The following DENND2B variants were observed in gnomAD, a reference collection of about 807,000 sequenced individuals.
DENND2B encodes the protein DENN domain-containing protein 2B.
DENND2B carries 32 observed loss-of-function variants against 116.0 expected under a neutral mutation model. The observed-to-expected ratio is 0.28, with a 90% confidence interval of 0.21 to 0.37. The LOEUF is 0.37. DENND2B is among the 10% of genes least tolerant of loss of function. The probability of loss-of-function intolerance (pLI) is 1.00; values close to 1 mark genes in which losing one functional copy is unlikely to be tolerated. For missense variants in DENND2B, 1,276 were observed against 1,477.7 expected (o/e 0.86, Z 2.24); for synonymous variants, 588 against 583.9 (o/e 1.01, Z -0.10).
chr11:8,719,923 A>T lies in DENND2B; in HGVS notation c.1478-2031T>A, dbSNP rs189899994. 5.3e-5 allele frequency among the ~76,000 whole-genome samples: 8 copies of T among 152,318 alleles called. No individual in the cohort carries two copies. The East Asian group carries it at 1.3e-3, about 26-fold the overall frequency. On this transcript the variant is annotated intron_variant, in intron 4 of 19. Coordinates refer to ENST00000313726, the MANE Select transcript of DENND2B (RefSeq NM_213618.2). ...TTGTCCCAATCCCAGGGGTTTCTCC[A>T]AGCCACTGACATTTGGGGTTGAATA... is the stretch of plus-strand genomic sequence containing the variant.
intron 14 of DENND2B, among the ~76,000 whole-genome samples, chr11:8,700,402 C>G (rs1225892429): frequency 6.6e-6 from 1 of 152,202 alleles, no homozygotes; most frequent in African/African-American, 2.4e-5. Flanking sequence ...CTTTCTAAAC[C>G]CTGGTGCTCT....
At chr11:8,876,345 A>G (rs953367899), upstream of DENND2B, among the ~76,000 whole-genome samples, 1 of 152,216 alleles carries the variant, frequency 6.6e-6, no homozygotes, top group Non-Finnish European at 1.5e-5. Context: ...CTTAAAATAT[A>G]TAAGGAATAA....
intron 1 of DENND2B, among the ~76,000 whole-genome samples, chr11:8,884,051 C>T (rs1305367965): frequency 6.6e-6 from 1 of 152,188 alleles, no homozygotes; most frequent in Non-Finnish European, 1.5e-5. Context: ...AGATTTTCCT[C>T]TATAGAGATA....
chr11:8,878,028 G>A (rs1268982134), intron 2 of DENND2B, among the ~76,000 whole-genome samples: 1 of 152,200 alleles, frequency 6.6e-6, no homozygotes, highest in African/African-American at 2.4e-5. Flanking sequence ...GAGAAAGAGG[G>A]TTGGAACTGA....
At chr11:8,824,403 C>T (rs924786918) in intron 4 of DENND2B, among the ~76,000 whole-genome samples, 1 of 152,118 alleles carries the variant, frequency 6.6e-6, no homozygotes, top group Non-Finnish European at 1.5e-5. Context: ...TCTATGTGTC[C>T]ATGTGTACTC....
intron 3 of DENND2B, among the ~76,000 whole-genome samples, chr11:8,839,573 C>T (rs1371430205): frequency 6.6e-6 from 1 of 152,200 alleles, no homozygotes; most frequent in Non-Finnish European, 1.5e-5. Context: ...CTTTCCCTCA[C>T]TTCTGAGGTG....
intron 1 of DENND2B, among the ~76,000 whole-genome samples, chr11:8,786,363 A>G (rs1481064470): frequency 1.3e-5 from 2 of 152,248 alleles, no homozygotes; most frequent in Non-Finnish European, 2.9e-5. Context: ...TGGTTTAAAA[A>G]AAGTAAAAAT....
chr11:8,837,708 G>A (rs921238097), intron 4 of DENND2B, among the ~76,000 whole-genome samples: 41 of 152,064 alleles, frequency 2.7e-4, no homozygotes, highest in African/African-American at 9.2e-4. Flanking sequence ...CTTCCTTGCT[G>A]GAACCAAATC....
intron 1 of DENND2B, chr11:8,766,514 C>T: frequency 1.1e-6 from 1 of 909,188 alleles, no homozygotes; most frequent in Non-Finnish European, 1.5e-6. Context: ...GCAATGTCCA[C>T]AAGCCAAATC....
chr11:8,717,590 G>A (rs1233186208), intron 5 of DENND2B, 151 bp downstream of exon 5: 17 of 859,334 alleles, frequency 2.0e-5, no homozygotes, highest in Non-Finnish European at 2.8e-5. Context: ...AGACGAGATC[G>A]GGCACGTTCA....
chr11:8,884,048 C>T (rs2063931547), intron 1 of DENND2B, among the ~76,000 whole-genome samples: 1 of 152,148 alleles, frequency 6.6e-6, no homozygotes, highest in Admixed American at 6.5e-5. Context: ...CTTAGATTTT[C>T]CTCTATAGAG....
At chr11:8,844,819 C>T (rs1170620211) in intron 3 of DENND2B, among the ~76,000 whole-genome samples, 1 of 152,034 alleles carries the variant, frequency 6.6e-6, no homozygotes, top group East Asian at 1.9e-4. Flanking sequence ...ACTGCAGCCT[C>T]AAACTCCTGA....
At chr11:8,876,002 A>G (rs1055448827), upstream of DENND2B, among the ~76,000 whole-genome samples, 11 of 152,242 alleles carry the variant, frequency 7.2e-5, no homozygotes, top group Non-Finnish European at 1.5e-4. Flanking sequence ...TCTACACAGA[A>G]TTAAAGGAGA....
chr11:8,694,048 A>G lies in DENND2B; in HGVS notation c.*48T>C. On this transcript the variant is annotated 3_prime_UTR_variant, in exon 20 of 20. Transcript: ENST00000313726. The stretch of plus-strand genomic sequence containing the variant: ...GGGTCCCAGGCTGGGCCTTCTCCCC[A>G]GGCTTCAGGCTCTGCAAGGCACTGG... 1 of 1,610,384 alleles carries G rather than the reference A, an allele frequency of 6.2e-7. No homozygotes were observed. Among genetic ancestry groups the G allele is most frequent in the Non-Finnish European group, 8.5e-7 (1 of 1,177,508 alleles).
At chr11:8,821,547 C>A (rs1207432555) in intron 4 of DENND2B, among the ~76,000 whole-genome samples, 1 of 151,106 alleles carries the variant, frequency 6.6e-6, no homozygotes, top group Admixed American at 6.6e-5. Flanking sequence ...TCACTGCACT[C>A]TAGCCCAGGA....
intron 18 of DENND2B, chr11:8,696,080 T>C: frequency 3.5e-6 from 1 of 287,792 alleles, no homozygotes; most frequent in Non-Finnish European, 6.5e-6. Flanking sequence ...TCCCAACCAC[T>C]GGGTTCTCAG....
chr11:8,722,276 G>A (rs975065645), intron 4 of DENND2B, among the ~76,000 whole-genome samples: 9 of 152,306 alleles, frequency 5.9e-5, no homozygotes, highest in Non-Finnish European at 1.0e-4. Context: ...AGACATGTTT[G>A]TCTTGGGGCC....
intron 8 of DENND2B, among the ~76,000 whole-genome samples, chr11:8,713,431 G>C (rs2044134178): frequency 6.6e-6 from 1 of 152,058 alleles, no homozygotes; most frequent in African/African-American, 2.4e-5. Context: ...CCAGGCTAGA[G>C]TGCAGTGGCA....
At position 8,702,563 on chromosome 11, in the gene DENND2B, G is replaced by A. The variant is rs913013572; in HGVS notation, c.2720+9C>T. 1 of 1,611,024 alleles carries A rather than the reference G, an allele frequency of 6.2e-7. No homozygotes were observed. The highest frequency in any genetic ancestry group is 8.5e-7 in the Non-Finnish European group (1 of 1,179,980). ...CTCCCTTCTGCTTTCTTGCCCGGCT[G>A]GGCCCTACCTGAGCTTATCTGCCAC... On this transcript the variant is annotated intron_variant, in intron 14 of 19. Transcript: ENST00000313726. This position sits in a 1 kb window ranked among gnomAD's most constrained non-coding sequence, Gnocchi z 4.6.
Sources: allele counts gnomAD v4.1 joint callset (sites outside exome capture counted in the v4.1 genomes callset), GRCh38; gene constraint gnomAD v4.1.1; non-coding constraint Gnocchi (gnomAD v3.1); transcripts MANE v1.5; gene names NCBI Gene and HGNC (gene_info 2026-07-23, HGNC 2026-07-21).